CCSER2: variants seen among roughly 807,000 people sequenced by gnomAD.
The protein encoded by CCSER2 is serine-rich coiled-coil domain-containing protein 2.
A neutral mutation model predicts 92.3 loss-of-function variants in CCSER2; 46 were observed. That is an observed-to-expected ratio of 0.50 (90% CI 0.39 to 0.64). The LOEUF (loss-of-function observed/expected upper bound fraction) is 0.64, where lower values mean the gene tolerates loss of function less well. Among genes scored for constraint, CCSER2 ranks in the 30% least tolerant of loss-of-function variants. The pLI is 0.00. For missense variants in CCSER2, 1,244 were observed against 1,238.9 expected (o/e 1.00, Z -0.06); for synonymous variants, 433 against 431.4 (o/e 1.00, Z -0.04).
intron 9 of CCSER2, among the ~76,000 whole-genome samples, chr10:84,483,656 T>C (rs1178426730): frequency 4.6e-5 from 7 of 152,000 alleles, no homozygotes; most frequent in African/African-American, 1.7e-4. Flanking sequence ...CAAAAGACAG[T>C]GCAGGCAAAC....
At chr10:84,412,627 C>A (rs920174214) in intron 3 of CCSER2, among the ~76,000 whole-genome samples, 6 of 152,076 alleles carry the variant, frequency 3.9e-5, no homozygotes, top group African/African-American at 1.4e-4. Context: ...GAAAGTGGGA[C>A]CAGGGGGCCA....
At chr10:84,428,962 A>AG in intron 5 of CCSER2, among the ~76,000 whole-genome samples, 1 of 114,980 alleles carries the variant, frequency 8.7e-6, no homozygotes, top group South Asian at 2.8e-4. Flanking sequence ...ATTTTGTTGA[A>AG]GATTTTTTTT....
At chr10:84,394,809 G>C (rs1249164967) in intron 3 of CCSER2, among the ~76,000 whole-genome samples, 1 of 152,104 alleles carries the variant, frequency 6.6e-6, no homozygotes, top group Non-Finnish European at 1.5e-5. Flanking sequence ...ACCATGAACA[G>C]AGTACTTTTT....
chr10:84,412,867 C>G (rs1159349374), intron 3 of CCSER2, among the ~76,000 whole-genome samples: 1 of 151,894 alleles, frequency 6.6e-6, no homozygotes, highest in Admixed American at 6.6e-5. Flanking sequence ...CAGCTTTTCT[C>G]CCAAAAAAGG....
At chr10:84,429,279 T>A (rs1221435757) in intron 5 of CCSER2, among the ~76,000 whole-genome samples, 1 of 152,086 alleles carries the variant, frequency 6.6e-6, no homozygotes, top group Admixed American at 6.6e-5. Context: ...TCTGTAGATG[T>A]CTTTTTGGTC....
At chr10:84,395,747 C>T (rs1156937897) in intron 3 of CCSER2, among the ~76,000 whole-genome samples, 1 of 152,126 alleles carries the variant, frequency 6.6e-6, no homozygotes, top group Non-Finnish European at 1.5e-5. Context: ...TTAGACCAAC[C>T]ATTGGGAAAC....
At chr10:84,446,618 A>G (rs1844933705) in intron 6 of CCSER2, among the ~76,000 whole-genome samples, 1 of 116,588 alleles carries the variant, frequency 8.6e-6, no homozygotes, top group African/African-American at 2.7e-5. Flanking sequence ...AATATTCATA[A>G]TAAGAATATA....
intron 3 of CCSER2, among the ~76,000 whole-genome samples, chr10:84,409,149 C>T (rs1246827509): frequency 3.3e-5 from 5 of 151,990 alleles, no homozygotes; most frequent in Non-Finnish European, 7.4e-5. Flanking sequence ...TGCCACAACG[C>T]CTGGCTAATT....
intron 1 of CCSER2, among the ~76,000 whole-genome samples, chr10:84,332,436 A>ATATATATAT (rs1401635246): frequency 1.4e-4 from 8 of 55,208 alleles, no homozygotes; most frequent in South Asian, 9.1e-4. Context: ...ATATATATAT[A>ATATATATAT]TTTTTTTTTT....
intron 3 of CCSER2, among the ~76,000 whole-genome samples, chr10:84,392,316 CAAAAA>C (rs71473611): frequency 1.9e-5 from 1 of 53,852 alleles, no homozygotes; most frequent in East Asian, 5.7e-4. Context: ...TCTGAAGAAG[CAAAAA>C]AAAAAAAAAA....
chr10:84,405,084 C>T (rs150042370), intron 3 of CCSER2, among the ~76,000 whole-genome samples: 29 of 152,196 alleles, frequency 1.9e-4, no homozygotes, highest in African/African-American at 7.0e-4. Flanking sequence ...TTTAAAGCTA[C>T]AGCAATCAGG....
intron 8 of CCSER2, among the ~76,000 whole-genome samples, chr10:84,472,836 C>T (rs1020970053): frequency 6.6e-6 from 1 of 152,088 alleles, no homozygotes; most frequent in Non-Finnish European, 1.5e-5. Flanking sequence ...TATCTCTAAG[C>T]AATTAATAGT....
chr10:84,472,317 C>T (rs191882365), intron 8 of CCSER2, among the ~76,000 whole-genome samples: 5 of 152,116 alleles, frequency 3.3e-5, no homozygotes, highest in East Asian at 3.9e-4. Flanking sequence ...TCCTGTAATC[C>T]GAGCACTTTG....
At chr10:84,364,275 A>T (rs1046906779) in intron 1 of CCSER2, among the ~76,000 whole-genome samples, 7 of 152,240 alleles carry the variant, frequency 4.6e-5, no homozygotes, top group Admixed American at 4.6e-4. Context: ...TTGCATTACA[A>T]TGTTACAATG....
chr10:84,409,575 TC>T (rs1842545634), intron 3 of CCSER2, among the ~76,000 whole-genome samples: 1 of 143,100 alleles, frequency 7.0e-6, no homozygotes. Context: ...TTGATTGCTC[TC>T]TTTTTTTTTT....
Position 84,449,591 on chromosome 10 carries a change from G to T in CCSER2, c.2064+10884G>T, listed in dbSNP as rs142633605. Among the ~76,000 whole-genome samples, 730 of 152,254 alleles carry T rather than the reference G, an allele frequency of 4.8e-3. 5 individuals are homozygous for T. The highest frequency in any genetic ancestry group is 0.017 in the African/African-American group (702 of 41,562). On this transcript the variant is annotated intron_variant, in intron 6 of 9. Coordinates refer to ENST00000372088, the MANE Select transcript of CCSER2 (RefSeq NM_001284240.2). ...CGTAGGGCTGGGGGCGGTGGCTCAT[G>T]CCTGTATAATCCCAGCACTTTGGGA...
intron 3 of CCSER2, among the ~76,000 whole-genome samples, chr10:84,410,708 CA>C (rs1842605731): frequency 6.6e-6 from 1 of 152,106 alleles, no homozygotes; most frequent in African/African-American, 2.4e-5. Flanking sequence ...TCTCCCATTC[CA>C]TAGGTTGTCT....
chr10:84,461,222 G>A lies in CCSER2; in HGVS notation c.2065-2711G>A, dbSNP rs539380191. ...AAGGTTGTCTACTTTTCAAGTGTATGGAGATTATCTTTCTGTTATTAGTTT... is the reference window on the plus strand; with the variant it reads ...AAGGTTGTCTACTTTTCAAGTGTATAGAGATTATCTTTCTGTTATTAGTTT... On this transcript the variant is annotated intron_variant, in intron 6 of 9. Transcript: ENST00000372088. 2.0e-5 allele frequency among the ~76,000 whole-genome samples: 3 copies of A among 152,174 alleles called. No individual in the cohort carries two copies. In the East Asian group the frequency reaches 5.8e-4, roughly 29 times the overall value.
intron 3 of CCSER2, among the ~76,000 whole-genome samples, chr10:84,402,158 T>C (rs1489962756): frequency 6.6e-6 from 1 of 152,166 alleles, no homozygotes; most frequent in African/African-American, 2.4e-5. Context: ...AATTTTCGCA[T>C]TGTGTGTGTT....
Sources: allele counts gnomAD v4.1 joint callset (sites outside exome capture counted in the v4.1 genomes callset), GRCh38; gene constraint gnomAD v4.1.1; transcripts MANE v1.5; gene names NCBI Gene and HGNC (gene_info 2026-07-23, HGNC 2026-07-21).